The following HACE1 variants were observed in gnomAD, a reference collection of about 807,000 sequenced individuals.
HACE1 encodes the protein E3 ubiquitin-protein ligase HACE1.
A neutral mutation model predicts 118.4 loss-of-function variants in HACE1; 73 were observed. That is an observed-to-expected ratio of 0.62 (90% CI 0.51 to 0.75). The LOEUF is 0.75. Ranked by LOEUF, HACE1 falls within the 30% of genes least tolerant of loss-of-function variation. HACE1 has a pLI of 0.00. For missense variants in HACE1, 749 were observed against 1,102.2 expected (o/e 0.68, Z 4.54); for synonymous variants, 368 against 374.8 (o/e 0.98, Z 0.21).
chr6:104,739,885 C>CGG (rs1776428593), intron 22 of HACE1, among the ~76,000 whole-genome samples: 4 of 152,114 alleles, frequency 2.6e-5, no homozygotes, highest in Non-Finnish European at 5.9e-5. Flanking sequence ...CACCACACTA[C>CGG]ACCTATTCCA....
chr6:104,828,526 C>T (rs1044728440), intron 6 of HACE1, among the ~76,000 whole-genome samples: 2 of 151,802 alleles, frequency 1.3e-5, no homozygotes, highest in Non-Finnish European at 2.9e-5. Flanking sequence ...AACAGTTGAT[C>T]TAAGAAAAGT....
At chr6:104,777,985 C>T (rs1276979978) in intron 14 of HACE1, among the ~76,000 whole-genome samples, 1 of 152,178 alleles carries the variant, frequency 6.6e-6, no homozygotes, top group Non-Finnish European at 1.5e-5. Flanking sequence ...TTTCGAACTC[C>T]TGACCTCAGG....
At chr6:104,734,142 C>CAAAAA (rs11370746) in intron 22 of HACE1, among the ~76,000 whole-genome samples, 18 of 87,050 alleles carry the variant, frequency 2.1e-4, no homozygotes, top group South Asian at 4.4e-4. Flanking sequence ...GACTCTTCCT[C>CAAAAA]AAAAAAAAAA....
chr6:104,746,969 T>C (rs752241771), intron 20 of HACE1, among the ~76,000 whole-genome samples: 10 of 152,116 alleles, frequency 6.6e-5, no homozygotes, highest in Non-Finnish European at 1.3e-4. Flanking sequence ...AAGCACTTCA[T>C]GAATATCACA....
chr6:104,731,789 GTT>G (rs1775225855), intron 22 of HACE1: 2 of 151,016 alleles, frequency 1.3e-5, no homozygotes, highest in African/African-American at 4.9e-5. Flanking sequence ...TAAGGGAAAA[GTT>G]TCATAATACT....
intron 2 of HACE1, 123 bp downstream of exon 2, chr6:104,852,194 A>ACCGT (rs1776271364): frequency 2.3e-6 from 1 of 428,900 alleles, no homozygotes; most frequent in African/African-American, 3.4e-5. Context: ...CTATGTCCAA[A>ACCGT]CTGTCTGTGT....
At chr6:104,808,160 T>C (rs1771222136) in intron 7 of HACE1, among the ~76,000 whole-genome samples, 1 of 151,328 alleles carries the variant, frequency 6.6e-6, no homozygotes, top group Non-Finnish European at 1.5e-5. Flanking sequence ...CACTCCACCC[T>C]GGGCAACAGA....
At chr6:104,854,648 A>G (rs969729803) in intron 1 of HACE1, among the ~76,000 whole-genome samples, 1 of 151,808 alleles carries the variant, frequency 6.6e-6, no homozygotes, top group African/African-American at 2.4e-5. Flanking sequence ...AATTTTTGAG[A>G]TGAGGACAAA....
intron 7 of HACE1, among the ~76,000 whole-genome samples, chr6:104,797,402 C>A (rs1582518486): frequency 6.6e-6 from 1 of 151,108 alleles, no homozygotes; most frequent in African/African-American, 2.4e-5. Flanking sequence ...TCCTACCACA[C>A]ACATCCAAGT....
intron 20 of HACE1, among the ~76,000 whole-genome samples, chr6:104,746,279 A>G (rs920478450): frequency 1.3e-5 from 2 of 152,232 alleles, no homozygotes; most frequent in Admixed American, 1.3e-4. Context: ...TAGAACTGCT[A>G]GTATAGGGTG....
intron 6 of HACE1, among the ~76,000 whole-genome samples, chr6:104,825,392 A>G (rs1562456961): frequency 6.6e-6 from 1 of 152,164 alleles, no homozygotes; most frequent in Non-Finnish European, 1.5e-5. Flanking sequence ...CTAACTCTGT[A>G]ACTTCACTTC....
intron 7 of HACE1, among the ~76,000 whole-genome samples, chr6:104,809,655 CTT>C (rs34661839): frequency 2.5e-4 from 32 of 130,398 alleles, no homozygotes; most frequent in Admixed American, 4.6e-4. Flanking sequence ...AGAGCAGATT[CTT>C]TTTTTTTTTT....
intron 6 of HACE1, chr6:104,831,057 T>C (rs904695185): frequency 1.3e-5 from 2 of 152,000 alleles, no homozygotes; most frequent in South Asian, 2.1e-4. Context: ...CTGTACATTC[T>C]ATTACCAATA....
chr6:104,822,540 G>A (rs955432743), intron 6 of HACE1, among the ~76,000 whole-genome samples: 3 of 151,396 alleles, frequency 2.0e-5, no homozygotes, highest in Non-Finnish European at 4.4e-5. Flanking sequence ...TCAACAGAGT[G>A]AAACCCTGTC....
Position 104,750,344 on chromosome 6 carries a change from T to C in HACE1, c.2340A>G (p.Glu780=), listed in dbSNP as rs764665339. ...AAGAACTGATGTTTTTCCTTACCAA[T>C]TCATATTCATCAAAAAGCTGTATGA... ...PSLIQLFDEY[E]LELLLSGMPE... Residue 780 remains glutamate (E), a synonymous_variant, in exon 20 of 24, where the codon GAA becomes GAG. Coordinates refer to ENST00000262903, the MANE Select transcript of HACE1 (RefSeq NM_020771.4). The C allele has an allele frequency of 1.2e-6, 2 of 1,612,172 alleles. No homozygotes were observed. Among genetic ancestry groups the C allele is most frequent in the Non-Finnish European group, 1.7e-6 (2 of 1,178,630 alleles).
intron 6 of HACE1, among the ~76,000 whole-genome samples, chr6:104,822,489 G>A (rs1044814154): frequency 1.2e-4 from 18 of 151,864 alleles, no homozygotes; most frequent in African/African-American, 4.1e-4. Context: ...GGAGTTCAAG[G>A]TTACAGTGAG....
chr6:104,819,379 T>C (rs2115009246), intron 6 of HACE1, among the ~76,000 whole-genome samples: 1 of 152,204 alleles, frequency 6.6e-6, no homozygotes, highest in Admixed American at 6.5e-5. Context: ...TGATCAAAGA[T>C]ATCAGAGATG....
chr6:104,843,425 T>A (rs1182743199), intron 4 of HACE1, 127 bp from the exon 5 acceptor site: 2 of 696,234 alleles, frequency 2.9e-6, no homozygotes, highest in African/African-American at 1.8e-5. Context: ...ATCTGTAATA[T>A]CAAGCCATAT....
intron 7 of HACE1, among the ~76,000 whole-genome samples, chr6:104,806,224 G>C (rs1431914519): frequency 2.6e-5 from 4 of 152,166 alleles, no homozygotes; most frequent in African/African-American, 7.2e-5. Flanking sequence ...CACTTTGGGA[G>C]GCTTAGACTG....
Sources: gnomAD v4.1 joint callset for allele counts (sites outside exome capture counted in the v4.1 genomes callset) on GRCh38, gnomAD v4.1.1 for gene constraint, MANE v1.5 for transcripts, NCBI Gene and HGNC (gene_info 2026-07-23, HGNC 2026-07-21) for gene names.